LRRC4C: variants seen among roughly 807,000 people sequenced by gnomAD.
The protein encoded by LRRC4C is leucine rich repeat containing 4C.
In LRRC4C, 5 loss-of-function variants were observed where a neutral mutation model predicts 33.6. That is an observed-to-expected ratio of 0.15 (90% CI 0.08 to 0.31). The LOEUF (loss-of-function observed/expected upper bound fraction) is 0.31. Among genes scored for constraint, LRRC4C ranks in the 10% least tolerant of loss-of-function variants. LRRC4C has a pLI of 1.00. For synonymous variants in LRRC4C, 329 were observed against 302.0 expected, an observed-to-expected ratio of 1.09 and a Z score of -0.93; for missense variants, 560 against 796.7, an observed-to-expected ratio of 0.70 and a Z score of 3.58.
intron 1 of LRRC4C, among the ~76,000 whole-genome samples, chr11:41,274,870 C>A (rs138097767): frequency 6.6e-6 from 1 of 152,082 alleles, no homozygotes; most frequent in Non-Finnish European, 1.5e-5. Context: ...AAACTCCGGA[C>A]ACAATATGGT....
intron 3 of LRRC4C, among the ~76,000 whole-genome samples, chr11:40,466,663 A>C (rs1056889073): frequency 4.6e-5 from 7 of 151,942 alleles, no homozygotes; most frequent in Admixed American, 6.6e-5. Context: ...ATAATTGTGT[A>C]ATATGATTAG....
intron 3 of LRRC4C, among the ~76,000 whole-genome samples, chr11:40,493,808 T>C (rs1954285088): frequency 6.6e-6 from 1 of 152,154 alleles, no homozygotes; most frequent in Non-Finnish European, 1.5e-5. Flanking sequence ...AATTACCAGT[T>C]AGAAAGACCA....
At chr11:40,419,389 T>G (rs561780358) in intron 3 of LRRC4C, among the ~76,000 whole-genome samples, 300 of 152,158 alleles carry the variant, frequency 2.0e-3, no homozygotes, top group African/African-American at 6.6e-3. Flanking sequence ...ATATAAAAAA[T>G]TATTTAAGGC....
At chr11:41,082,743 C>G (rs1395360155) in intron 1 of LRRC4C, among the ~76,000 whole-genome samples, 1 of 152,094 alleles carries the variant, frequency 6.6e-6, no homozygotes, top group Non-Finnish European at 1.5e-5. Context: ...GCTACATTTT[C>G]TCTTTTCCTT....
chr11:40,175,205 T>A (rs920034905), intron 5 of LRRC4C, among the ~76,000 whole-genome samples: 1 of 152,218 alleles, frequency 6.6e-6, no homozygotes, highest in Non-Finnish European at 1.5e-5. Flanking sequence ...TGTTGGCTCA[T>A]AAAAGAAAGG....
intron 2 of LRRC4C, among the ~76,000 whole-genome samples, chr11:40,841,599 C>G (rs970026170): frequency 6.6e-6 from 1 of 152,174 alleles, no homozygotes; most frequent in Non-Finnish European, 1.5e-5. Flanking sequence ...GGAGAGAGCC[C>G]TCACCAGAAA....
intron 5 of LRRC4C, among the ~76,000 whole-genome samples, chr11:40,221,489 T>A (rs1864414617): frequency 6.6e-6 from 1 of 152,042 alleles, no homozygotes; most frequent in African/African-American, 2.4e-5. Context: ...CACATTTGGG[T>A]TTAGATACCA....
intron 1 of LRRC4C, among the ~76,000 whole-genome samples, chr11:41,323,746 G>A (rs1951025414): frequency 6.6e-6 from 1 of 152,178 alleles, no homozygotes; most frequent in Non-Finnish European, 1.5e-5. Flanking sequence ...AGAACCTGGT[G>A]TATGACTCAA....
At chr11:41,406,748 A>ACGCACG (rs1555166864) in intron 1 of LRRC4C, among the ~76,000 whole-genome samples, 1 of 145,468 alleles carries the variant, frequency 6.9e-6, no homozygotes, top group African/African-American at 2.6e-5. Flanking sequence ...ACACACACAC[A>ACGCACG]CACGCACCCT....
intron 4 of LRRC4C, among the ~76,000 whole-genome samples, chr11:40,312,177 C>T (rs1302688388): frequency 3.3e-5 from 5 of 152,048 alleles, no homozygotes; most frequent in African/African-American, 4.8e-5. Context: ...TTCTGAGTTG[C>T]GTGAAACTCT....
intron 3 of LRRC4C, among the ~76,000 whole-genome samples, chr11:40,483,057 T>G (rs964332381): frequency 1.3e-5 from 2 of 152,190 alleles, no homozygotes; most frequent in Admixed American, 1.3e-4. Flanking sequence ...GATCCTTGAC[T>G]TTGTACACAG....
At chr11:40,724,088 T>C (rs1277535301) in intron 2 of LRRC4C, among the ~76,000 whole-genome samples, 1 of 151,944 alleles carries the variant, frequency 6.6e-6, no homozygotes, top group Non-Finnish European at 1.5e-5. Context: ...ACACAACCAA[T>C]ATCGGAGCAC....
At chr11:40,766,707 AT>A (rs35930413) in intron 2 of LRRC4C, among the ~76,000 whole-genome samples, 101,667 of 151,844 alleles carry the variant, frequency 0.67, 34,779 homozygotes, top group African/African-American at 0.73. Context: ...AGTGGTCATC[AT>A]TTTTTTAATT....
chr11:40,965,212 G>T (rs1204196670), intron 1 of LRRC4C, among the ~76,000 whole-genome samples: 2 of 151,938 alleles, frequency 1.3e-5, no homozygotes, highest in African/African-American at 2.4e-5. Flanking sequence ...CTTTTTGATG[G>T]GTTTTTTGTT....
intron 3 of LRRC4C, among the ~76,000 whole-genome samples, chr11:40,644,214 G>A (rs1224509846): frequency 6.6e-6 from 1 of 152,168 alleles, no homozygotes; most frequent in Non-Finnish European, 1.5e-5. Context: ...TTCTTAGACT[G>A]GAAACTAATA....
intron 1 of LRRC4C, among the ~76,000 whole-genome samples, chr11:41,285,911 C>G (rs1949812766): frequency 6.6e-6 from 1 of 152,030 alleles, no homozygotes; most frequent in African/African-American, 2.4e-5. Context: ...CTCATTGCAA[C>G]CTCCGCCTCC....
At chr11:40,190,474 A>T (rs994609117) in intron 5 of LRRC4C, among the ~76,000 whole-genome samples, 2 of 152,218 alleles carry the variant, frequency 1.3e-5, no homozygotes, top group Admixed American at 6.5e-5. Flanking sequence ...ATCACCAATC[A>T]AATCTACCAT....
At chr11:40,886,729 A>G (rs1955477176) in intron 2 of LRRC4C, among the ~76,000 whole-genome samples, 1 of 151,936 alleles carries the variant, frequency 6.6e-6, no homozygotes, top group African/African-American at 2.4e-5. Flanking sequence ...TTCAAGCACT[A>G]TAAACTCTAT....
intron 1 of LRRC4C, among the ~76,000 whole-genome samples, chr11:41,081,615 A>T (rs901559865): frequency 4.6e-5 from 7 of 152,194 alleles, no homozygotes; most frequent in Admixed American, 2.6e-4. Flanking sequence ...TGTTAAAATA[A>T]TGAGAGCTAA....
Sources: allele counts gnomAD v4.1 joint callset (sites outside exome capture counted in the v4.1 genomes callset), GRCh38; gene constraint gnomAD v4.1.1; transcripts MANE v1.5; gene names NCBI Gene and HGNC (gene_info 2026-07-23, HGNC 2026-07-21).